Variants in CLMP observed in about 807,000 individuals in gnomAD.
CLMP encodes CXADR like cell adhesion molecule.
A neutral mutation model predicts 45.2 loss-of-function variants in CLMP; 27 were observed. The ratio of observed to expected loss-of-function variants is 0.60; its 90% CI spans 0.44 to 0.82. The LOEUF is 0.82. CLMP is among the 40% of genes least tolerant of loss of function. The pLI, the probability that CLMP is intolerant of heterozygous loss-of-function variation, is 0.00. For synonymous variants in CLMP, 167 were observed against 171.4 expected (o/e 0.97, Z 0.20); for missense variants, 403 against 448.4 (o/e 0.90, Z 0.91).
intron 1 of CLMP, among the ~76,000 whole-genome samples, chr11:123,152,439 C>T (rs1465635944): frequency 2.6e-5 from 4 of 152,026 alleles, no homozygotes; most frequent in African/African-American, 9.7e-5. Flanking sequence ...AGGAGAATCA[C>T]TTGAACCCGG....
intron 1 of CLMP, among the ~76,000 whole-genome samples, chr11:123,153,963 G>A (rs1861377411): frequency 6.6e-6 from 1 of 151,834 alleles, no homozygotes; most frequent in Non-Finnish European, 1.5e-5. Flanking sequence ...TAGGATTACA[G>A]GCGTGAGCCA....
chr11:123,178,113 C>A (rs538151745), intron 1 of CLMP, among the ~76,000 whole-genome samples: 2 of 152,194 alleles, frequency 1.3e-5, no homozygotes, highest in East Asian at 3.9e-4. Flanking sequence ...GATCCACCCG[C>A]CTCAGCCTCC....
intron 1 of CLMP, among the ~76,000 whole-genome samples, chr11:123,141,370 G>A (rs1861155523): frequency 6.6e-6 from 1 of 151,760 alleles, no homozygotes. Context: ...ATTTTTAGTA[G>A]AGACGGGGTT....
chr11:123,091,968 A>T (rs921043928), intron 2 of CLMP, among the ~76,000 whole-genome samples: 11 of 152,110 alleles, frequency 7.2e-5, no homozygotes, highest in African/African-American at 2.2e-4. Context: ...GTTGTCCCCA[A>T]ACCTGATGTT....
At chr11:123,131,144 G>T (rs1187639192) in intron 1 of CLMP, among the ~76,000 whole-genome samples, 9 of 151,952 alleles carry the variant, frequency 5.9e-5, no homozygotes, top group African/African-American at 1.7e-4. Flanking sequence ...TGCCCAGCCG[G>T]ATTTCAAAAA....
chr11:123,155,096 G>A lies in CLMP; in HGVS notation c.28+39817C>T, dbSNP rs150801243. 1.3e-3 allele frequency among the ~76,000 whole-genome samples: 191 copies of A among 152,232 alleles called. 1 individual carries two copies. Among genetic ancestry groups the A allele is most frequent in the Non-Finnish European group, 2.0e-3 (138 of 68,008 alleles). The stretch of plus-strand genomic sequence containing the variant: ...CTCGATCTTCTGGGCTCAAGTGATC[G>A]TCCTGACTTAGCCTCCTGAGTAGCT... On this transcript the variant is annotated intron_variant, in intron 1 of 6. Coordinates refer to ENST00000448775, the MANE Select transcript of CLMP (RefSeq NM_024769.5).
chr11:123,144,688 G>T (rs945648733), intron 1 of CLMP, among the ~76,000 whole-genome samples: 7 of 151,416 alleles, frequency 4.6e-5, no homozygotes, highest in African/African-American at 1.7e-4. Flanking sequence ...GATTTTTTTT[G>T]GTAAACTGAG....
chr11:123,187,539 A>G (rs991944069), intron 1 of CLMP, among the ~76,000 whole-genome samples: 1 of 152,248 alleles, frequency 6.6e-6, no homozygotes, highest in African/African-American at 2.4e-5. Flanking sequence ...TCTGCTTAGT[A>G]CAGTGAATTT....
chr11:123,143,712 C>A (rs1191605023), intron 1 of CLMP, among the ~76,000 whole-genome samples: 17 of 152,234 alleles, frequency 1.1e-4, no homozygotes, highest in African/African-American at 4.1e-4. Flanking sequence ...ACAGCTTCAA[C>A]AACTTGCATT....
In CLMP at chr11:123,069,981, A is replaced by G. The variant is rs548417679; in HGVS notation, c.*3493T>C. 15 of 152,242 alleles carry G rather than the reference A, an allele frequency of 9.9e-5. No individual in the cohort carries two copies. Among genetic ancestry groups the G allele is most frequent in the Non-Finnish European group, 2.1e-4 (14 of 68,036 alleles). 9.4% of individuals were successfully genotyped at this position (152,242 alleles called of 1,614,324 possible). A position where few individuals can be genotyped will look rare whatever the true frequency, so the allele number is the denominator to read the frequency against. ...CCAATTACAAGGCAACTTAGAAGTT[A>G]AAACTGAAACTGAAATATAAACAGC... On this transcript the variant is annotated 3_prime_UTR_variant, in exon 7 of 7. Coordinates refer to ENST00000448775, the MANE Select transcript of CLMP (RefSeq NM_024769.5).
intron 5 of CLMP, among the ~76,000 whole-genome samples, 167 bp downstream of exon 5, chr11:123,082,918 G>A (rs1565377406): frequency 6.6e-6 from 1 of 152,100 alleles, no homozygotes; most frequent in Non-Finnish European, 1.5e-5. Context: ...GTCAATTGTT[G>A]AGTGGTCTTT....
At chr11:123,136,009 A>C (rs149356087) in intron 1 of CLMP, 144 of 572,502 alleles carry the variant, frequency 2.5e-4, no homozygotes, top group African/African-American at 2.2e-3. Context: ...TCTTCAATTA[A>C]ATTGTTGATT....
intron 1 of CLMP, among the ~76,000 whole-genome samples, chr11:123,100,393 A>C (rs1591457149): frequency 6.6e-6 from 1 of 152,158 alleles, no homozygotes; most frequent in South Asian, 2.1e-4. Context: ...AAAAAAAAAA[A>C]AAAACCAAAG....
In CLMP at chr11:123,083,729, G is replaced by A; in HGVS notation, c.507C>T (p.Ile169=). 1.2e-6 allele frequency: 2 copies of A among 1,614,044 alleles called. No individual in the cohort carries two copies. The highest frequency in any genetic ancestry group is 8.5e-7 in the Non-Finnish European group (1 of 1,180,018). ...TEPIVYYWQR[I]REKEGEDERL... ...GTTCATCCTCTCCCTCTTTCTCTCG[G>A]ATTCGCTGCCAGTAATACACAATGG... The change falls in exon 4 of 7, where the codon ATC becomes ATT. Residue 169 remains isoleucine (I), a synonymous_variant. Transcript: ENST00000448775.
chr11:123,195,093 C>CGCCCCGT lies in CLMP; in HGVS notation c.-160_-154dup. On this transcript the variant is annotated 5_prime_UTR_variant, in exon 1 of 7. Transcript: ENST00000448775. ...ATGTGCCGGGCGGGAGCCGGCCCCG[C>CGCCCCGT]GCCCCGTGCCCCTGGGGGCAGATGG... The CGCCCCGT allele has an allele frequency of 3.9e-6, 2 of 516,110 alleles. No homozygotes were observed. Among genetic ancestry groups the CGCCCCGT allele is most frequent in the East Asian group, 9.6e-5 (2 of 20,922 alleles). The allele number at this position is 516,110 out of a possible 1,614,324, so 32.0% of individuals were successfully genotyped here.
At position 123,083,683 on chromosome 11, in the gene CLMP, T is replaced by C; in HGVS notation, c.553A>G (p.Ile185Val). 6.2e-6 allele frequency: 10 copies of C among 1,614,002 alleles called. No homozygotes were observed. Among genetic ancestry groups the C allele is most frequent in the Non-Finnish European group, 8.5e-6 (10 of 1,179,982 alleles). Residue 185 changes from isoleucine (I) to valine (V), a missense_variant, in exon 4 of 7, where the codon ATT becomes GTT. Ile to Val is a conservative substitution (Grantham distance 29). Transcript: ENST00000448775. Reference protein sequence around the residue: ...EDERLPPKSRIDYNHPGRVLL... With the variant: ...EDERLPPKSRVDYNHPGRVLL... Reference sequence around the variant, plus strand: ...GATTGGTAGGAAGATGACTTACCAATCCTAGATTTGGGAGGCAGACGTTCA... The same window carrying C: ...GATTGGTAGGAAGATGACTTACCAACCCTAGATTTGGGAGGCAGACGTTCA...
At chr11:123,187,456 C>T (rs1861850254) in intron 1 of CLMP, among the ~76,000 whole-genome samples, 1 of 152,222 alleles carries the variant, frequency 6.6e-6, no homozygotes, top group African/African-American at 2.4e-5. Flanking sequence ...AGCAATTTCT[C>T]TCTCAGGGAT....
Position 123,106,422 on chromosome 11 carries a change from TGTGCGCGCGCGCGCGC to T in CLMP, c.29-8486_29-8471del, listed in dbSNP as rs1475768173. On this transcript the variant is annotated intron_variant, in intron 1 of 6. Coordinates refer to ENST00000448775, the MANE Select transcript of CLMP (RefSeq NM_024769.5). ...GTGTGTGTGTGTGTGTGTGTGTGTG[TGTGCGCGCGCGCGCGC>T]GCACGTGCCTGCCTTCCAGATTGTT... Among the ~76,000 whole-genome samples the T allele has an allele frequency of 7.0e-5, 6 of 86,274 alleles. No homozygotes were observed. In the Admixed American group the frequency reaches 8.0e-4, roughly 12 times the overall value. 56.6% of individuals were successfully genotyped at this position (86,274 alleles called of 152,430 possible).
intron 1 of CLMP, among the ~76,000 whole-genome samples, chr11:123,154,690 C>T (rs952732693): frequency 6.6e-6 from 1 of 152,122 alleles, no homozygotes; most frequent in Non-Finnish European, 1.5e-5. Context: ...AGCAGCTAAT[C>T]TGAATGACCT....
Sources: allele counts gnomAD v4.1 joint callset (sites outside exome capture counted in the v4.1 genomes callset), GRCh38; gene constraint gnomAD v4.1.1; transcripts MANE v1.5; gene names NCBI Gene and HGNC (gene_info 2026-07-23, HGNC 2026-07-21).